P4HA1: variants seen among roughly 807,000 people sequenced by gnomAD.
The protein encoded by P4HA1 is prolyl 4-hydroxylase subunit alpha 1.
P4HA1 carries 24 observed loss-of-function variants against 72.8 expected under a neutral mutation model. That is an observed-to-expected ratio of 0.33 (90% CI 0.24 to 0.46). The LOEUF (loss-of-function observed/expected upper bound fraction) is 0.46, where lower values mean the gene tolerates loss of function less well. Among genes scored for constraint, P4HA1 ranks in the 20% least tolerant of loss-of-function variants. The pLI, the probability that P4HA1 is intolerant of heterozygous loss-of-function variation, is 1.00. For missense variants in P4HA1, 446 were observed against 640.6 expected (o/e 0.70, Z 3.28); for synonymous variants, 201 against 218.8 (o/e 0.92, Z 0.72).
chr10:73,028,579 G>A (rs1840350703), intron 10 of P4HA1, among the ~76,000 whole-genome samples: 1 of 152,006 alleles, frequency 6.6e-6, no homozygotes, highest in South Asian at 2.1e-4. Flanking sequence ...TTACAGTCAT[G>A]TGCCACCACG....
At chr10:73,090,615 C>T (rs1842008815) in intron 1 of P4HA1, among the ~76,000 whole-genome samples, 1 of 151,978 alleles carries the variant, frequency 6.6e-6, no homozygotes, top group South Asian at 2.1e-4. Context: ...TTAGTAATCA[C>T]CCTTATATCA....
chr10:73,044,899 C>T, intron 9 of P4HA1, 82 bp downstream of exon 9: 1 of 1,131,484 alleles, frequency 8.8e-7, no homozygotes, highest in Middle Eastern at 2.0e-4. Flanking sequence ...GAAAATGACC[C>T]ACTTTCCTTA....
At chr10:73,048,554 C>T (rs1288262853) in intron 7 of P4HA1, among the ~76,000 whole-genome samples, 7 of 152,088 alleles carry the variant, frequency 4.6e-5, no homozygotes, top group Non-Finnish European at 7.4e-5. Flanking sequence ...CATGAGCCAT[C>T]GTGCCTGGCA....
chr10:73,068,753 A>C, intron 5 of P4HA1, 93 bp downstream of exon 5: 1 of 1,040,994 alleles, frequency 9.6e-7, no homozygotes, highest in Admixed American at 2.1e-5. Flanking sequence ...TAAAATCTTA[A>C]AATGCAAGTC....
In P4HA1 at chr10:73,064,851, A is replaced by C. The variant is rs549136253; in HGVS notation, c.463+3995T>G. ...TGAGACTCCATGTCAAAAAAGAAAA[A>C]GAAATCGATTTTTATGGTTCATCCG... On this transcript the variant is annotated intron_variant, in intron 5 of 14. Coordinates refer to ENST00000394890, the MANE Select transcript of P4HA1 (RefSeq NM_001017962.3). Among the ~76,000 whole-genome samples, 10 of 152,288 alleles carry C rather than the reference A, an allele frequency of 6.6e-5. No homozygotes were observed. The East Asian group carries it at 1.9e-3, about 29-fold the overall frequency.
chr10:73,093,927 C>CAT lies in P4HA1; in HGVS notation c.-33+2837_-33+2838dup, dbSNP rs1377948559. 1.4e-4 allele frequency among the ~76,000 whole-genome samples: 17 copies of CAT among 117,318 alleles called. 1 individual carries two copies. The highest frequency in any genetic ancestry group is 1.4e-3 in the Admixed American group (15 of 10,352). The allele number at this position is 117,318 out of a possible 152,430, so 77.0% of individuals were successfully genotyped here. A position where few individuals can be genotyped will look rare whatever the true frequency, so the allele number is the denominator to read the frequency against. On this transcript the variant is annotated intron_variant, in intron 1 of 14. Coordinates refer to ENST00000394890, the MANE Select transcript of P4HA1 (RefSeq NM_001017962.3). ...ATATATACACACACACACACACACA[C>CAT]ATACTCATTTTATTTGGATTTTTTA...
At chr10:73,057,566 G>A (rs1039992417) in intron 5 of P4HA1, among the ~76,000 whole-genome samples, 2 of 152,070 alleles carry the variant, frequency 1.3e-5, no homozygotes, top group African/African-American at 4.8e-5. Flanking sequence ...AATTCTAGAA[G>A]AAGAGAACAG....
At chr10:73,019,892 G>A (rs1441212984) in intron 10 of P4HA1, among the ~76,000 whole-genome samples, 4 of 151,812 alleles carry the variant, frequency 2.6e-5, no homozygotes, top group Non-Finnish European at 5.9e-5. Flanking sequence ...AAAGGATAAA[G>A]AGAGCCTACA....
intron 5 of P4HA1, among the ~76,000 whole-genome samples, chr10:73,067,094 C>T (rs182228649): frequency 6.6e-6 from 1 of 152,184 alleles, no homozygotes; most frequent in African/African-American, 2.4e-5. Context: ...TCTTGAACTC[C>T]TACCCTCAAG....
At chr10:73,062,276 A>C (rs781335071) in intron 5 of P4HA1, among the ~76,000 whole-genome samples, 10 of 152,142 alleles carry the variant, frequency 6.6e-5, no homozygotes, top group Non-Finnish European at 1.2e-4. Flanking sequence ...TAATAAAAGA[A>C]ATTTTATAAA....
rs779282186 is a variant in P4HA1, at chr10:73,047,021, T to C, written c.981A>G (p.Lys327=). The part of the protein sequence containing the change: ...RNPKFILAPA[K]QEDEWDKPRI... Reference sequence around the variant, plus strand: ...GAGGCTTGTCCCATTCATCCTCCTGTTTAGCTGGAGCCAGAATAAATTTAG... The same window carrying C: ...GAGGCTTGTCCCATTCATCCTCCTGCTTAGCTGGAGCCAGAATAAATTTAG... Residue 327 remains lysine, a synonymous_variant, in exon 8 of 15, where the codon AAA becomes AAG. Transcript: ENST00000394890. 6.2e-7 allele frequency: 1 copy of C among 1,612,464 alleles called. No homozygotes were observed. The highest frequency in any genetic ancestry group is 8.5e-7 in the Non-Finnish European group (1 of 1,178,532).
intron 5 of P4HA1, chr10:73,065,216 C>A (rs995964023): frequency 6.7e-6 from 1 of 150,186 alleles, no homozygotes; most frequent in Non-Finnish European, 1.5e-5. Flanking sequence ...GACCCCCACC[C>A]CCTAAAAAAA....
At chr10:73,044,065 G>T (rs778549080) in intron 9 of P4HA1, 5 of 665,216 alleles carry the variant, frequency 7.5e-6, no homozygotes, top group Non-Finnish European at 1.3e-5. Flanking sequence ...GTTCAGATTG[G>T]TCTGGATGGT....
chr10:73,093,076 C>T (rs1309147815), intron 1 of P4HA1, among the ~76,000 whole-genome samples: 3 of 149,272 alleles, frequency 2.0e-5, no homozygotes, highest in Non-Finnish European at 3.0e-5. Flanking sequence ...GCTATGGTCA[C>T]ACCACTGCAC....
chr10:73,069,126 TA>T (rs928143409), intron 4 of P4HA1, 143 bp from the exon 5 acceptor site: 2 of 611,896 alleles, frequency 3.3e-6, no homozygotes, highest in Non-Finnish European at 2.8e-6. Flanking sequence ...AAGAAAAAAT[TA>T]AATACACTGA....
chr10:73,035,665 T>A (rs934419759), intron 9 of P4HA1, among the ~76,000 whole-genome samples: 1 of 152,234 alleles, frequency 6.6e-6, no homozygotes, highest in Non-Finnish European at 1.5e-5. Flanking sequence ...CTTTGCACAC[T>A]TGTGGGAGTA....
chr10:73,022,011 C>T (rs1840147300), intron 10 of P4HA1, among the ~76,000 whole-genome samples: 1 of 152,236 alleles, frequency 6.6e-6, no homozygotes, highest in Middle Eastern at 3.2e-3. Flanking sequence ...GCGGAGCCCA[C>T]CACAGCTCAG....
At chr10:73,070,374 C>G (rs1301479485) in intron 4 of P4HA1, among the ~76,000 whole-genome samples, 1 of 151,906 alleles carries the variant, frequency 6.6e-6, no homozygotes, top group Non-Finnish European at 1.5e-5. Context: ...CTAAGCTCCT[C>G]TCGAACTCCT....
At chr10:73,064,174 C>G (rs1265766095) in intron 5 of P4HA1, among the ~76,000 whole-genome samples, 1 of 152,014 alleles carries the variant, frequency 6.6e-6, no homozygotes, top group East Asian at 1.9e-4. Context: ...ACAATAGAAA[C>G]TATAATATCA....
Sources: allele counts gnomAD v4.1 joint callset (sites outside exome capture counted in the v4.1 genomes callset), GRCh38; gene constraint gnomAD v4.1.1; transcripts MANE v1.5; gene names NCBI Gene and HGNC (gene_info 2026-07-23, HGNC 2026-07-21).